MCOLN1: variants seen among roughly 807,000 people sequenced by gnomAD.
MCOLN1 encodes the protein mucolipin TRP cation channel 1.
Under a neutral mutation model 70.3 loss-of-function variants are expected in MCOLN1, and 50 were observed. That is an observed-to-expected ratio of 0.71 (90% CI 0.57 to 0.90). The LOEUF (loss-of-function observed/expected upper bound fraction) is 0.90. Ranked by LOEUF, MCOLN1 falls within the 40% of genes least tolerant of loss-of-function variation. MCOLN1 has a pLI of 0.00. For synonymous variants in MCOLN1, 366 were observed against 341.0 expected (o/e 1.07, Z -0.81); for missense variants, 598 against 803.5 (o/e 0.74, Z 3.09).
In MCOLN1 at chr19:7,529,773, C is replaced by T. The variant is rs924171231; in HGVS notation, c.1359+61C>T. 6.2e-6 allele frequency: 10 copies of T among 1,603,670 alleles called. No homozygotes were observed. In the Admixed American group the frequency reaches 1.3e-4, roughly 21 times the overall value. ...TGTGACCTTGTCATTGACACTGTGA[C>T]CCCCAGATGACCCCTTGGTGACTGC... On this transcript the variant is annotated intron_variant, in intron 11 of 13. Transcript: ENST00000264079.
At chr19:7,533,201 TC>T (rs909327235) in intron 12 of MCOLN1, among the ~76,000 whole-genome samples, 1 of 152,226 alleles carries the variant, frequency 6.6e-6, no homozygotes, top group Non-Finnish European at 1.5e-5. Flanking sequence ...ACTGCTGTGC[TC>T]AGCGTGCATC....
chr19:7,533,478 G>T, intron 12 of MCOLN1, 45 bp from the exon 13 acceptor site: 3 of 1,608,292 alleles, frequency 1.9e-6, no homozygotes, highest in Non-Finnish European at 2.5e-6. Flanking sequence ...GGCCTTGGAG[G>T]TTGGGAGCCA....
In MCOLN1 at chr19:7,526,375, C is replaced by T. The variant is rs1304224564; in HGVS notation, c.238-64C>T. ...TCCCTGTCCTCTTCCAGGGCCTGTG[C>T]CCTGAGGGAGATACACCCCAACCCC... On this transcript the variant is annotated intron_variant, in intron 2 of 13. Coordinates refer to ENST00000264079, the MANE Select transcript of MCOLN1 (RefSeq NM_020533.3). The surrounding 1 kb of genome is among the most constrained non-coding windows in gnomAD (Gnocchi z 4.6). The T allele has an allele frequency of 6.3e-6, 10 of 1,596,192 alleles. No homozygotes were observed. Among genetic ancestry groups the T allele is most frequent in the Admixed American group, 5.0e-5 (3 of 60,008 alleles).
Position 7,533,664 on chromosome 19 carries a change from C to T in MCOLN1, c.1706+11C>T, listed in dbSNP as rs756087583. 6.2e-6 allele frequency: 10 copies of T among 1,613,802 alleles called. No individual in the cohort carries two copies. The highest frequency in any genetic ancestry group is 1.7e-5 in the Admixed American group (1 of 59,978). ...CTGCTGCTGCGGAAGGTTCGAGTCCCGGGTCTGGCACATTCAGATTGGAGG... is the reference window on the plus strand; with the variant it reads ...CTGCTGCTGCGGAAGGTTCGAGTCCTGGGTCTGGCACATTCAGATTGGAGG... On this transcript the variant is annotated intron_variant, in intron 13 of 13. Coordinates refer to ENST00000264079, the MANE Select transcript of MCOLN1 (RefSeq NM_020533.3).
Position 7,530,502 on chromosome 19 carries a change from G to A in MCOLN1, c.1575+1G>A. On this transcript the variant is annotated splice_donor_variant, in intron 12 of 13. Transcript: ENST00000264079. LOFTEE classifies it high-confidence loss of function. ...CACCGGCGCCTACGACACCATCAAG[G>A]TCAGCCGCATGCACCCAGCCCTGAG... The A allele has an allele frequency of 6.2e-7, 1 of 1,608,192 alleles. No individual in the cohort carries two copies. The highest frequency in any genetic ancestry group is 8.5e-7 in the Non-Finnish European group (1 of 1,179,930).
At chr19:7,533,315 C>G in intron 12 of MCOLN1, 2 of 640,404 alleles carry the variant, frequency 3.1e-6, no homozygotes. Flanking sequence ...CACAGACTGG[C>G]AAAGACACAG....
rs754926117 is a variant in MCOLN1 at position 7,526,568 on chromosome 19, G to C, written c.367G>C (p.Glu123Gln). ...ADDTFAAYTR[E>Q]QLYQAIFHAV... The stretch of plus-strand genomic sequence containing the variant: ...TGACACCTTCGCAGCCTACACGCGG[G>C]AGCAGCTGTACCAGGCCATCTTCCA... Residue 123 changes from glutamate to glutamine, a missense_variant, in exon 3 of 14, where the codon GAG becomes CAG. By Grantham distance (29) the Glu-to-Gln change is conservative (BLOSUM62 2). Around this residue, in one of 3 missense-constraint regions of MCOLN1, gnomAD observed 461 missense variants for 588.4 expected, o/e 0.78. Transcript: ENST00000264079. The surrounding 1 kb of genome is among the most constrained non-coding windows in gnomAD (Gnocchi z 4.6). 2 of 1,613,856 alleles carry C rather than the reference G, an allele frequency of 1.2e-6. No individual in the cohort carries two copies. Among genetic ancestry groups the C allele is most frequent in the South Asian group, 1.1e-5 (1 of 91,084 alleles).
chr19:7,529,825 G>C, intron 11 of MCOLN1, 113 bp downstream of exon 11: 1 of 1,314,584 alleles, frequency 7.6e-7, no homozygotes, highest in Non-Finnish European at 1.1e-6. Flanking sequence ...GTCCCCTGTG[G>C]TCCTTGGTGA....
rs1041497225 is a variant in MCOLN1, at chr19:7,528,506, C to T, written c.878-91C>T. 6.5e-7 allele frequency: 1 copy of T among 1,543,186 alleles called. No homozygotes were observed. Among genetic ancestry groups the T allele is most frequent in the African/African-American group, 1.4e-5 (1 of 73,110 alleles). ...TGACCAACCAAAACCAGCCGTGCAG[C>T]CCCCTAGGTCTCCAGCCTGGCCTGG... On this transcript the variant is annotated intron_variant, in intron 7 of 13. Transcript: ENST00000264079. The surrounding 1 kb of genome is among the most constrained non-coding windows in gnomAD (Gnocchi z 4.2).
intron 4 of MCOLN1, 174 bp downstream of exon 4, chr19:7,527,100 C>T (rs2146023062): frequency 2.5e-6 from 2 of 798,026 alleles, no homozygotes; most frequent in African/African-American, 3.4e-5. Context: ...CGTAGGAAGA[C>T]CTTGTCTCTA....
rs541186661 is a variant in MCOLN1 at position 7,533,745 on chromosome 19, C to T, written c.1707-14C>T. The T allele has an allele frequency of 2.2e-5, 35 of 1,614,188 alleles. No homozygotes were observed. In the South Asian group the frequency reaches 3.5e-4, roughly 16 times the overall value. On this transcript the variant is annotated splice_polypyrimidine_tract_variant and intron_variant, in intron 13 of 13. Transcript: ENST00000264079. ...AGAAAACTGACGCCCCTCTTCCCTGCTTCCTTCCTCCAGGGACCCCTCGGA... is the reference window on the plus strand; with the variant it reads ...AGAAAACTGACGCCCCTCTTCCCTGTTTCCTTCCTCCAGGGACCCCTCGGA...
intron 10 of MCOLN1, 47 bp downstream of exon 10, chr19:7,529,249 C>T (rs775132416): frequency 6.6e-7 from 1 of 1,516,984 alleles, no homozygotes; most frequent in Non-Finnish European, 9.1e-7. Context: ...TTACTCCACA[C>T]CCTCCAAATA....
chr19:7,533,716 C>T (rs748641648), intron 13 of MCOLN1, 43 bp from the exon 14 acceptor site: 10 of 1,614,136 alleles, frequency 6.2e-6, no homozygotes, highest in South Asian at 1.1e-5. Flanking sequence ...GGGGAGCGAG[C>T]CAGAGAAAAC....
intron 11 of MCOLN1, 87 bp from the exon 12 acceptor site, chr19:7,530,199 G>A: frequency 1.7e-6 from 2 of 1,190,330 alleles, no homozygotes; most frequent in Admixed American, 1.7e-5. Context: ...CCAGCTCCTA[G>A]CCATTTGCAT....
Position 7,527,133 on chromosome 19 carries a change from G to A in MCOLN1, c.571+207G>A, listed in dbSNP as rs561889670. On this transcript the variant is annotated intron_variant, in intron 4 of 13. Coordinates refer to ENST00000264079, the MANE Select transcript of MCOLN1 (RefSeq NM_020533.3). ...CTACGCACAAACAAATTAGCTGGGC[G>A]TGGTGGCGTGCCCCTGTGGTCCCAG... 138 of 664,684 alleles carry A rather than the reference G, an allele frequency of 2.1e-4. 1 individual carries two copies. Among genetic ancestry groups the A allele is most frequent in the African/African-American group, 9.0e-4 (51 of 56,534 alleles). 41.2% of individuals were successfully genotyped at this position (664,684 alleles called of 1,614,324 possible).
chr19:7,531,525 G>A lies in MCOLN1; in HGVS notation c.1575+1024G>A, dbSNP rs992946548. Among the ~76,000 whole-genome samples the A allele has an allele frequency of 6.4e-4, 97 of 152,200 alleles. 1 individual carries two copies. The highest frequency in any genetic ancestry group is 2.2e-3 in the African/African-American group (92 of 41,516). On this transcript the variant is annotated intron_variant, in intron 12 of 13. Transcript: ENST00000264079. ...TAAGTCATACAGTTTCAATGACCTTGTCATTGACCCTGGGACGTTGCCATT... is the reference window on the plus strand; with the variant it reads ...TAAGTCATACAGTTTCAATGACCTTATCATTGACCCTGGGACGTTGCCATT...
intron 10 of MCOLN1, 136 bp from the exon 11 acceptor site, chr19:7,529,454 A>C: frequency 8.6e-7 from 1 of 1,168,092 alleles, no homozygotes. Context: ...CGCCCCCTCT[A>C]GGCACCCACT....
chr19:7,526,885 CG>C lies in MCOLN1; in HGVS notation c.532del (p.Ala178ProfsTer60). 6.2e-7 allele frequency: 1 copy of C among 1,614,068 alleles called. No individual in the cohort carries two copies. The highest frequency in any genetic ancestry group is 1.6e-4 in the Middle Eastern group (1 of 6,062). On this transcript the variant is annotated frameshift_variant, in exon 4 of 14. Coordinates refer to ENST00000264079, the MANE Select transcript of MCOLN1 (RefSeq NM_020533.3). LOFTEE classifies it high-confidence loss of function. The surrounding 1 kb of genome is among the most constrained non-coding windows in gnomAD (Gnocchi z 4.6). ...QRYYHRGHVD[P>X]ANDTFDIDPM... is the part of the protein sequence containing the mutation. ...TACTACCACCGAGGCCACGTGGACC[CG>C]GCCAACGACACATTTGACATTGATC...
At chr19:7,531,662 C>T (rs2022654565) in intron 12 of MCOLN1, among the ~76,000 whole-genome samples, 1 of 151,948 alleles carries the variant, frequency 6.6e-6, no homozygotes, top group Non-Finnish European at 1.5e-5. Context: ...CCAAGGTTAG[C>T]TTCTTTATTT....
Sources: gnomAD v4.1 joint callset for allele counts (sites outside exome capture counted in the v4.1 genomes callset) on GRCh38, gnomAD v4.1.1 for gene constraint, gnomAD v4.1.1 regional missense constraint, Gnocchi (gnomAD v3.1) non-coding constraint, MANE v1.5 for transcripts, NCBI Gene and HGNC (gene_info 2026-07-23, HGNC 2026-07-21) for gene names.